Variants in OPCML observed in about 807,000 individuals in gnomAD.
OPCML encodes the protein opioid-binding protein/cell adhesion molecule.
In OPCML, 13 loss-of-function variants were observed where a neutral mutation model predicts 37.8. The ratio of observed to expected loss-of-function variants is 0.34; its 90% CI spans 0.22 to 0.55. The LOEUF (loss-of-function observed/expected upper bound fraction) is 0.55. Among genes scored for constraint, OPCML ranks in the 20% least tolerant of loss-of-function variants. The pLI, the probability that OPCML is intolerant of heterozygous loss-of-function variation, is 0.91. For synonymous variants in OPCML, 176 were observed against 168.8 expected, an observed-to-expected ratio of 1.04 and a Z score of -0.33; for missense variants, 341 against 435.6, an observed-to-expected ratio of 0.78 and a Z score of 1.93.
At chr11:133,202,606 T>C (rs1938846235) in intron 1 of OPCML, among the ~76,000 whole-genome samples, 1 of 152,242 alleles carries the variant, frequency 6.6e-6, no homozygotes, top group Admixed American at 6.5e-5. Flanking sequence ...CCAGCGGCTC[T>C]GTCCCTTGTT....
intron 1 of OPCML, among the ~76,000 whole-genome samples, chr11:133,122,721 T>A (rs2137118166): frequency 6.6e-6 from 1 of 152,308 alleles, no homozygotes; most frequent in East Asian, 1.9e-4. Flanking sequence ...TAGCCACTTG[T>A]TAATTTCCAG....
chr11:133,201,863 C>T (rs1170134571), intron 1 of OPCML, among the ~76,000 whole-genome samples: 1 of 152,166 alleles, frequency 6.6e-6, no homozygotes, highest in Admixed American at 6.5e-5. Context: ...CAGTATTTAC[C>T]TCCTAACTTT....
chr11:132,436,617 C>A lies in OPCML; in HGVS notation c.764+42G>T, dbSNP rs759198694. 8 of 1,606,768 alleles carry A rather than the reference C, an allele frequency of 5.0e-6. No homozygotes were observed. The Admixed American group carries it at 5.0e-5, about 10-fold the overall frequency. ...CTTCTCCCATGTGGGGATAGACCAT[C>A]AGCTCTGCTTCAGAACTGTCCAGGT... is the stretch of plus-strand genomic sequence containing the variant. On this transcript the variant is annotated intron_variant, in intron 6 of 7. Coordinates refer to ENST00000524381, the MANE Select transcript of OPCML (RefSeq NM_001012393.5).
chr11:132,712,251 C>T lies in OPCML; in HGVS notation c.147-54932G>A, dbSNP rs142718813. On this transcript the variant is annotated intron_variant, in intron 2 of 7. Transcript: ENST00000524381. ...TAGCGGAACTGCAGGCTACTCAGGACTTCAGCCTGGTTTTCTCAAAACCCA... is the reference window on the plus strand; with the variant it reads ...TAGCGGAACTGCAGGCTACTCAGGATTTCAGCCTGGTTTTCTCAAAACCCA... Among the ~76,000 whole-genome samples the T allele has an allele frequency of 9.1e-3, 1,378 of 152,232 alleles. 23 individuals are homozygous for T. The highest frequency in any genetic ancestry group is 0.031 in the African/African-American group (1,269 of 41,518).
At chr11:133,061,794 A>C (rs1484379058) in intron 1 of OPCML, among the ~76,000 whole-genome samples, 1 of 150,828 alleles carries the variant, frequency 6.6e-6, no homozygotes, top group Non-Finnish European at 1.5e-5. Context: ...TCTTTCAAAA[A>C]CTTTTCCGCA....
intron 1 of OPCML, among the ~76,000 whole-genome samples, chr11:133,057,105 A>G (rs539243353): frequency 6.6e-6 from 1 of 152,112 alleles, no homozygotes; most frequent in Non-Finnish European, 1.5e-5. Context: ...TGGCCTCCAA[A>G]GTGCTGGGAT....
intron 1 of OPCML, among the ~76,000 whole-genome samples, chr11:133,082,472 T>C (rs1490124798): frequency 4.6e-5 from 1 of 21,692 alleles, no homozygotes; most frequent in Admixed American, 6.0e-4. Context: ...CTCCCCATCC[T>C]CCCCTCCCCA....
At chr11:133,147,975 C>G (rs1020053633) in intron 1 of OPCML, among the ~76,000 whole-genome samples, 2 of 152,196 alleles carry the variant, frequency 1.3e-5, no homozygotes, top group Admixed American at 1.3e-4. Context: ...CATCCCTCCC[C>G]ACCCCAGCTG....
At chr11:132,864,093 A>G (rs1388871203) in intron 2 of OPCML, among the ~76,000 whole-genome samples, 1 of 151,834 alleles carries the variant, frequency 6.6e-6, no homozygotes, top group African/African-American at 2.4e-5. Context: ...ATGCGCCACC[A>G]AGCCTGGCTA....
chr11:132,508,189 AAAAT>A (rs1382314288), intron 4 of OPCML, among the ~76,000 whole-genome samples: 2 of 152,210 alleles, frequency 1.3e-5, no homozygotes, highest in East Asian at 1.9e-4. Context: ...ACTCTTTCAG[AAAAT>A]AAATAAAGGG....
At chr11:133,430,510 G>A (rs1946094590) in intron 1 of OPCML, among the ~76,000 whole-genome samples, 1 of 152,158 alleles carries the variant, frequency 6.6e-6, no homozygotes, top group Non-Finnish European at 1.5e-5. Context: ...CTAATGTTGG[G>A]ATGGGGATGG....
intron 1 of OPCML, among the ~76,000 whole-genome samples, chr11:133,040,663 G>A (rs1196121764): frequency 6.6e-6 from 1 of 152,112 alleles, no homozygotes; most frequent in Non-Finnish European, 1.5e-5. Flanking sequence ...GTGCCCATCA[G>A]GAATGAGTAC....
chr11:132,584,086 T>TA (rs904158039), intron 3 of OPCML, among the ~76,000 whole-genome samples: 27 of 151,938 alleles, frequency 1.8e-4, no homozygotes, highest in East Asian at 3.9e-4. Context: ...GACAAGATTT[T>TA]AAAAAAAACA....
At chr11:132,651,026 T>C (rs1229109795) in intron 3 of OPCML, among the ~76,000 whole-genome samples, 3 of 152,226 alleles carry the variant, frequency 2.0e-5, no homozygotes, top group African/African-American at 7.2e-5. Flanking sequence ...TTGTGACCTA[T>C]GGCTCTGCCT....
intron 1 of OPCML, among the ~76,000 whole-genome samples, chr11:133,343,992 A>C (rs1943937761): frequency 6.6e-6 from 1 of 152,234 alleles, no homozygotes; most frequent in East Asian, 1.9e-4. Flanking sequence ...GCAGCCTGTG[A>C]TGAAATCCCT....
chr11:132,933,939 G>C (rs1391533697), intron 2 of OPCML, among the ~76,000 whole-genome samples: 3 of 152,148 alleles, frequency 2.0e-5, no homozygotes, highest in Non-Finnish European at 4.4e-5. Context: ...AATTCCCTGG[G>C]TGTACAGATG....
chr11:132,827,335 G>A (rs1375492440), intron 2 of OPCML, among the ~76,000 whole-genome samples: 1 of 152,118 alleles, frequency 6.6e-6, no homozygotes, highest in East Asian at 1.9e-4. Flanking sequence ...TACGTCATGG[G>A]AGTTGCAAAT....
chr11:132,445,534 A>G (rs998120689), intron 4 of OPCML, among the ~76,000 whole-genome samples: 1 of 152,210 alleles, frequency 6.6e-6, no homozygotes, highest in African/African-American at 2.4e-5. Flanking sequence ...CTCTGAAATC[A>G]GGTTTAAGAG....
chr11:132,538,659 G>A (rs1447388137), intron 3 of OPCML, among the ~76,000 whole-genome samples: 1 of 152,166 alleles, frequency 6.6e-6, no homozygotes, highest in African/African-American at 2.4e-5. Context: ...CCCAACACAT[G>A]TGACTTCTCA....
Sources: gnomAD v4.1 joint callset for allele counts (sites outside exome capture counted in the v4.1 genomes callset) on GRCh38, gnomAD v4.1.1 for gene constraint, MANE v1.5 for transcripts, NCBI Gene and HGNC (gene_info 2026-07-23, HGNC 2026-07-21) for gene names.